Variants in DNAI2 observed in about 807,000 individuals in gnomAD.
DNAI2 encodes the protein dynein axonemal intermediate chain 2.
In DNAI2, 63 loss-of-function variants were observed where a neutral mutation model predicts 74.7. That is an observed-to-expected ratio of 0.84 (90% CI 0.69 to 1.04). DNAI2 has a LOEUF of 1.04. Ranked by LOEUF, DNAI2 falls within the 50% of genes least tolerant of loss-of-function variation. The pLI is 0.00. For synonymous variants in DNAI2, 289 were observed against 314.9 expected (o/e 0.92, Z 0.87); for missense variants, 688 against 803.2 (o/e 0.86, Z 1.73).
rs561911124 is a variant in DNAI2, at chr17:74,289,642, C to T, written c.516C>T (p.Pro172=). The T allele has an allele frequency of 9.9e-6, 16 of 1,614,028 alleles. No homozygotes were observed. Among genetic ancestry groups the T allele is most frequent in the Admixed American group, 3.3e-5 (2 of 59,996 alleles). Reference sequence around the variant, plus strand: ...CTGCCACACACCTCTCCTGGCACCCCGATGGCAACAGGAAGTTGGCAGTGG... The same window carrying T: ...CTGCCACACACCTCTCCTGGCACCCTGATGGCAACAGGAAGTTGGCAGTGG... ...KRAATHLSWH[P]DGNRKLAVAY... The change falls in exon 5 of 14, where the codon CCC becomes CCT. Residue 172 remains proline (P), a synonymous_variant. Transcript: ENST00000311014.
At chr17:74,306,266 C>T (rs2053186729) in intron 9 of DNAI2, among the ~76,000 whole-genome samples, 1 of 152,158 alleles carries the variant, frequency 6.6e-6, no homozygotes, top group Non-Finnish European at 1.5e-5. Context: ...ATGGTTAGAC[C>T]AGAGAAGCTT....
intron 12 of DNAI2, among the ~76,000 whole-genome samples, chr17:74,313,130 T>C (rs2053631182): frequency 6.6e-6 from 1 of 152,242 alleles, no homozygotes; most frequent in Non-Finnish European, 1.5e-5. Context: ...GGGTCCAGTG[T>C]ATCTGCACAG....
intron 4 of DNAI2, among the ~76,000 whole-genome samples, chr17:74,289,005 C>T (rs375080382): frequency 9.2e-4 from 140 of 152,328 alleles, no homozygotes; most frequent in African/African-American, 3.2e-3. Context: ...TTCACTACCA[C>T]GACTGACTTA....
intron 6 of DNAI2, among the ~76,000 whole-genome samples, chr17:74,295,252 A>AAAAAAAAAAAAAAAG: frequency 6.8e-6 from 1 of 146,914 alleles, no homozygotes. Context: ...AAAAAAAAAA[A>AAAAAAAAAAAAAAAG]TCAGCCAGGT....
At chr17:74,286,291 G>A (rs2051722950) in intron 3 of DNAI2, among the ~76,000 whole-genome samples, 1 of 76,676 alleles carries the variant, frequency 1.3e-5, no homozygotes, top group Admixed American at 1.4e-4. Flanking sequence ...GCAAGACTGT[G>A]TCTCAAAATA....
chr17:74,274,718 G>A (rs2050958152), intron 1 of DNAI2, among the ~76,000 whole-genome samples: 1 of 152,240 alleles, frequency 6.6e-6, no homozygotes, highest in South Asian at 2.1e-4. Flanking sequence ...AGGGTGATGG[G>A]AAGATGGGCC....
intron 11 of DNAI2, 92 bp from the exon 12 acceptor site, chr17:74,311,911 A>G (rs2053548775): frequency 8.4e-7 from 1 of 1,196,024 alleles, no homozygotes; most frequent in African/African-American, 1.5e-5. Context: ...GAGCAAGGAG[A>G]GCTCAGCAGA....
rs769434290 is a variant in DNAI2, at chr17:74,299,852, G to A, written c.859G>A (p.Gly287Arg). The change falls in exon 7 of 14, where the codon GGG becomes AGG. Residue 287 changes from glycine (G) to arginine (R), a missense_variant. Gly to Arg is a moderately radical substitution (Grantham distance 125). Coordinates refer to ENST00000311014, the MANE Select transcript of DNAI2 (RefSeq NM_023036.6). ...CGAGTGCTTCTCAGCTTCCACGGAT[G>A]GGCAGGTACCCACCAGCCAGACACT... Reference protein sequence around the residue: ...GTECFSASTDGQVMWWDIRKM... With the variant: ...GTECFSASTDRQVMWWDIRKM... The A allele has an allele frequency of 6.2e-7, 1 of 1,613,420 alleles. No individual in the cohort carries two copies. Among genetic ancestry groups the A allele is most frequent in the Non-Finnish European group, 8.5e-7 (1 of 1,180,010 alleles).
In DNAI2 at chr17:74,299,807, C is replaced by T. The variant is rs1183280081; in HGVS notation, c.814C>T (p.Leu272=). 5 of 1,613,544 alleles carry T rather than the reference C, an allele frequency of 3.1e-6. No homozygotes were observed. The highest frequency in any genetic ancestry group is 1.7e-5 in the Admixed American group (1 of 59,994). Residue 272 remains leucine (L), a synonymous_variant, in exon 7 of 14, where the codon CTG becomes TTG. Coordinates refer to ENST00000311014, the MANE Select transcript of DNAI2 (RefSeq NM_023036.6). ...HRDPVYGTIW[L]QSKTGTECFS... Reference sequence around the variant, plus strand: ...AGACCCTGTGTATGGCACCATCTGGCTGCAGTCGAAGACGGGCACCGAGTG... The same window carrying T: ...AGACCCTGTGTATGGCACCATCTGGTTGCAGTCGAAGACGGGCACCGAGTG...
rs749432259 is a variant in DNAI2, at chr17:74,305,254, C to T, written c.1023C>T (p.Ile341=). The T allele has an allele frequency of 3.7e-6, 6 of 1,614,190 alleles. No homozygotes were observed. The Admixed American group carries it at 6.7e-5, about 18-fold the overall frequency. ...TCATGGTGGGGACCGAGCAGGGCATCGTCATCTCCTGCAACCGCAAGGCCA... is the reference window on the plus strand; with the variant it reads ...TCATGGTGGGGACCGAGCAGGGCATTGTCATCTCCTGCAACCGCAAGGCCA... The part of the protein sequence containing the change: ...TKFMVGTEQG[I]VISCNRKAKT... Residue 341 remains isoleucine (I), a synonymous_variant, in exon 9 of 14, where the codon ATC becomes ATT. Transcript: ENST00000311014.
Position 74,289,654 on chromosome 17 carries a change from G to A in DNAI2, c.528G>A (p.Arg176=), listed in dbSNP as rs2143941147. Residue 176 remains arginine, a synonymous_variant, in exon 5 of 14, where the codon AGG becomes AGA. Coordinates refer to ENST00000311014, the MANE Select transcript of DNAI2 (RefSeq NM_023036.6). ...TCTCCTGGCACCCCGATGGCAACAGGAAGTTGGCAGTGGCATACTCCTGCT... is the reference window on the plus strand; with the variant it reads ...TCTCCTGGCACCCCGATGGCAACAGAAAGTTGGCAGTGGCATACTCCTGCT... ...THLSWHPDGN[R]KLAVAYSCLD... 2 of 1,614,112 alleles carry A rather than the reference G, an allele frequency of 1.2e-6. No individual in the cohort carries two copies. The highest frequency in any genetic ancestry group is 1.7e-6 in the Non-Finnish European group (2 of 1,180,022).
intron 11 of DNAI2, among the ~76,000 whole-genome samples, chr17:74,311,282 C>A (rs567178970): frequency 6.6e-6 from 1 of 152,194 alleles, no homozygotes; most frequent in African/African-American, 2.4e-5. Context: ...CTGCAGGCAA[C>A]CCCCCAGAAC....
chr17:74,280,648 G>A (rs1490663116), intron 1 of DNAI2, among the ~76,000 whole-genome samples: 1 of 152,164 alleles, frequency 6.6e-6, no homozygotes, highest in Non-Finnish European at 1.5e-5. Context: ...TGGGTCATTG[G>A]GTTGGAGAGG....
rs1225870217 is a variant in DNAI2 at position 74,289,723 on chromosome 17, C to A, written c.597C>A (p.Tyr199Ter). The A allele has an allele frequency of 6.2e-7, 1 of 1,613,970 alleles. No individual in the cohort carries two copies. The highest frequency in any genetic ancestry group is 1.1e-5 in the South Asian group (1 of 91,070). Residue 199 changes from tyrosine (Y) to a stop codon, truncating the protein, a stop_gained, in exon 5 of 14, where the codon TAC becomes TAA. Transcript: ENST00000311014. LOFTEE classifies it high-confidence loss of function. Reference sequence around the variant, plus strand: ...CTGTGGGCATGAGCAGCGATTCATACATCTGGGACCTGGGTGAGAAGCAGC... The same window carrying A: ...CTGTGGGCATGAGCAGCGATTCATAAATCTGGGACCTGGGTGAGAAGCAGC... ...RAPVGMSSDS[Y>*]IWDLENPNKP...
In DNAI2 at chr17:74,305,335, C is replaced by T. The variant is rs1021470707; in HGVS notation, c.1104C>T (p.Tyr368=). 15 of 1,614,072 alleles carry T rather than the reference C, an allele frequency of 9.3e-6. No homozygotes were observed. The highest frequency in any genetic ancestry group is 1.6e-4 in the Middle Eastern group (1 of 6,084). Reference sequence around the variant, plus strand: ...TCCCGGGCCATCATGGCCCCATCTACGCCCTCCAGAGAAACCCCTTCTACC... The same window carrying T: ...TCCCGGGCCATCATGGCCCCATCTATGCCCTCCAGAGAAACCCCTTCTACC... The part of the protein sequence containing the change: ...CTFPGHHGPI[Y]ALQRNPFYPK... The change falls in exon 9 of 14, where the codon TAC becomes TAT. Residue 368 remains tyrosine (Y), a synonymous_variant. Transcript: ENST00000311014.
intron 6 of DNAI2, among the ~76,000 whole-genome samples, chr17:74,291,925 G>T (rs2052133415): frequency 6.6e-6 from 1 of 151,546 alleles, no homozygotes; most frequent in Admixed American, 6.6e-5. Flanking sequence ...GTGCAGTGGT[G>T]CAGTCTCAGC....
chr17:74,279,423 A>G (rs1395522957), intron 1 of DNAI2, among the ~76,000 whole-genome samples: 1 of 152,214 alleles, frequency 6.6e-6, no homozygotes, highest in Non-Finnish European at 1.5e-5. Flanking sequence ...TTGCATGCCT[A>G]TAGCAAAACA....
chr17:74,309,361 G>A lies in DNAI2; in HGVS notation c.1320G>A (p.Glu440=). Residue 440 remains glutamate (E), a synonymous_variant, in exon 10 of 14, where the codon GAG becomes GAA. Coordinates refer to ENST00000311014, the MANE Select transcript of DNAI2 (RefSeq NM_023036.6). ...GTLDIWDFMF[E]QCDPTLSLKV... ...TGGATATCTGGGACTTCATGTTCGA[G>A]CAGTGCGATCCCACCCTCAGCTTGA... 6.2e-7 allele frequency: 1 copy of A among 1,614,178 alleles called. No individual in the cohort carries two copies. The highest frequency in any genetic ancestry group is 8.5e-7 in the Non-Finnish European group (1 of 1,180,040).
intron 8 of DNAI2, among the ~76,000 whole-genome samples, chr17:74,301,541 G>A (rs1050039069): frequency 3.9e-5 from 6 of 152,060 alleles, no homozygotes; most frequent in Non-Finnish European, 5.9e-5. Flanking sequence ...TGCCTGGCAC[G>A]GGGTCCCTAG....
Sources: allele counts gnomAD v4.1 joint callset (sites outside exome capture counted in the v4.1 genomes callset), GRCh38; gene constraint gnomAD v4.1.1; transcripts MANE v1.5; gene names NCBI Gene and HGNC (gene_info 2026-07-23, HGNC 2026-07-21).